Variants in ANKS1B observed in about 807,000 individuals in gnomAD.
The protein encoded by ANKS1B is ankyrin repeat and sterile alpha motif domain containing 1B.
ANKS1B carries 36 observed loss-of-function variants against 148.3 expected under a neutral mutation model. The ratio of observed to expected loss-of-function variants is 0.24; its 90% CI spans 0.19 to 0.32. The LOEUF (loss-of-function observed/expected upper bound fraction) is 0.32, where lower values mean the gene tolerates loss of function less well. Among genes scored for constraint, ANKS1B ranks in the 10% least tolerant of loss-of-function variants. The probability of loss-of-function intolerance (pLI) is 1.00; values close to 1 mark genes in which losing one functional copy is unlikely to be tolerated. For missense variants in ANKS1B, 1,157 were observed against 1,542.6 expected, an observed-to-expected ratio of 0.75 and a Z score of 4.19; for synonymous variants, 542 against 560.8, an observed-to-expected ratio of 0.97 and a Z score of 0.47.
At chr12:99,574,617 GGTTGA>G (rs1176311237) in intron 9 of ANKS1B, among the ~76,000 whole-genome samples, 1 of 151,864 alleles carries the variant, frequency 6.6e-6, no homozygotes, top group Non-Finnish European at 1.5e-5. Flanking sequence ...GGGAATGCAA[GGTTGA>G]GTTAACATTT....
At chr12:99,439,452 C>T (rs1382219147) in intron 11 of ANKS1B, among the ~76,000 whole-genome samples, 1 of 151,388 alleles carries the variant, frequency 6.6e-6, no homozygotes, top group Non-Finnish European at 1.5e-5. Flanking sequence ...TAAAGAATTA[C>T]TACAAATAAA....
At chr12:99,615,577 C>T (rs568184239) in intron 9 of ANKS1B, among the ~76,000 whole-genome samples, 1 of 152,126 alleles carries the variant, frequency 6.6e-6, no homozygotes, top group African/African-American at 2.4e-5. Context: ...AAAAGGACTT[C>T]AATAAAATTC....
intron 1 of ANKS1B, among the ~76,000 whole-genome samples, chr12:99,947,631 T>C (rs2095102049): frequency 6.6e-6 from 1 of 152,178 alleles, no homozygotes. Context: ...TATTACAAAC[T>C]TATTATCTCA....
chr12:99,726,390 T>A (rs2058620139), intron 8 of ANKS1B, among the ~76,000 whole-genome samples: 1 of 152,004 alleles, frequency 6.6e-6, no homozygotes, highest in Non-Finnish European at 1.5e-5. Flanking sequence ...CTAGAAGAAA[T>A]GGATAAATTC....
At chr12:98,970,293 C>G (rs2099882084) in intron 17 of ANKS1B, among the ~76,000 whole-genome samples, 2 of 152,066 alleles carry the variant, frequency 1.3e-5, no homozygotes, top group Non-Finnish European at 2.9e-5. Flanking sequence ...GACACCTCTT[C>G]TTATACTTGA....
chr12:99,610,684 C>G (rs1466639599), intron 9 of ANKS1B, among the ~76,000 whole-genome samples: 1 of 151,974 alleles, frequency 6.6e-6, no homozygotes, highest in Non-Finnish European at 1.5e-5. Context: ...TGCCAAAGTA[C>G]CATACTTTAA....
rs182243746 is a variant in ANKS1B at position 99,896,319 on chromosome 12, G to A, written c.135-70930C>T. Reference sequence around the variant, plus strand: ...TTGAAGTTTCATTTCGTTTTGTTTTGTTTAGATCCTACAAATAAGTGAGAT... The same window carrying A: ...TTGAAGTTTCATTTCGTTTTGTTTTATTTAGATCCTACAAATAAGTGAGAT... On this transcript the variant is annotated intron_variant, in intron 1 of 26. Transcript: ENST00000683438. Among the ~76,000 whole-genome samples the A allele has an allele frequency of 2.6e-4, 40 of 150,960 alleles. 1 individual carries two copies. Among genetic ancestry groups the A allele is most frequent in the African/African-American group, 8.9e-4 (37 of 41,346 alleles).
downstream of ANKS1B, among the ~76,000 whole-genome samples, chr12:98,742,565 G>A (rs2097808275): frequency 6.6e-6 from 1 of 152,264 alleles, no homozygotes; most frequent in African/African-American, 2.4e-5. Context: ...GACTTGAGCG[G>A]AAGACAGAAA....
chr12:99,863,780 C>T (rs949608801), intron 1 of ANKS1B, among the ~76,000 whole-genome samples: 2 of 150,676 alleles, frequency 1.3e-5, no homozygotes, highest in African/African-American at 4.9e-5. Flanking sequence ...TGTCAAAAGT[C>T]GATCCCCTTG....
intron 17 of ANKS1B, among the ~76,000 whole-genome samples, chr12:98,943,297 T>C (rs1449950849): frequency 6.6e-6 from 1 of 152,268 alleles, no homozygotes; most frequent in East Asian, 1.9e-4. Context: ...GCTATTTCAG[T>C]ACCTTTGTAT....
intron 12 of ANKS1B, among the ~76,000 whole-genome samples, chr12:99,284,118 C>G (rs1032981617): frequency 6.6e-6 from 1 of 152,160 alleles, no homozygotes; most frequent in Non-Finnish European, 1.5e-5. Context: ...AACACCGAAA[C>G]TTACCTAGTA....
chr12:99,133,024 TTTTTTTTTC>T (rs894700755), intron 15 of ANKS1B, among the ~76,000 whole-genome samples: 2 of 151,438 alleles, frequency 1.3e-5, no homozygotes, highest in Admixed American at 6.6e-5. Flanking sequence ...CAACATGGTT[TTTTTTTTTC>T]TTTTTTTTCT....
intron 12 of ANKS1B, among the ~76,000 whole-genome samples, chr12:99,386,015 A>G (rs144240419): frequency 1.3e-5 from 2 of 152,200 alleles, no homozygotes; most frequent in Admixed American, 1.3e-4. Flanking sequence ...TCTGAAATCT[A>G]TTATTAGCTT....
intron 4 of ANKS1B, among the ~76,000 whole-genome samples, chr12:99,799,957 G>A (rs1033477076): frequency 2.6e-5 from 4 of 152,096 alleles, no homozygotes; most frequent in African/African-American, 9.7e-5. Context: ...CAATAGAAGT[G>A]TTTTTGAGTA....
At chr12:99,633,452 G>A (rs1017101467) in intron 9 of ANKS1B, among the ~76,000 whole-genome samples, 4 of 152,072 alleles carry the variant, frequency 2.6e-5, no homozygotes, top group Non-Finnish European at 5.9e-5. Context: ...GCTGAAACTG[G>A]ATCCCTTCCT....
rs554476706 is a variant in ANKS1B at position 99,405,124 on chromosome 12, C to G, written c.1576-5313G>C. Among the ~76,000 whole-genome samples the G allele has an allele frequency of 2.7e-5, 4 of 145,638 alleles. No homozygotes were observed. The South Asian group carries it at 8.4e-4, about 31-fold the overall frequency. ...AACAAAAGTTGAGAAATTTCTTCAA[C>G]ATTAGATCTTTCCTACAATAAATGC... On this transcript the variant is annotated intron_variant, in intron 11 of 26. Transcript: ENST00000683438.
chr12:98,939,095 C>T (rs1363070989), intron 17 of ANKS1B, among the ~76,000 whole-genome samples: 1 of 152,220 alleles, frequency 6.6e-6, no homozygotes, highest in African/African-American at 2.4e-5. Context: ...ACTCGAACTG[C>T]ATCTCAGGGT....
chr12:98,907,775 A>G (rs2099781401), intron 17 of ANKS1B, among the ~76,000 whole-genome samples: 1 of 152,236 alleles, frequency 6.6e-6, no homozygotes, highest in African/African-American at 2.4e-5. Flanking sequence ...AGATAATTGA[A>G]CCAAACTGTT....
intron 14 of ANKS1B, among the ~76,000 whole-genome samples, chr12:99,157,840 T>C (rs1336654352): frequency 6.6e-6 from 1 of 152,058 alleles, no homozygotes; most frequent in East Asian, 1.9e-4. Flanking sequence ...CAAAAGACAG[T>C]ATATTTGTGG....
Sources: gnomAD v4.1 joint callset for allele counts (sites outside exome capture counted in the v4.1 genomes callset) on GRCh38, gnomAD v4.1.1 for gene constraint, MANE v1.5 for transcripts, NCBI Gene and HGNC (gene_info 2026-07-23, HGNC 2026-07-21) for gene names.